The following FANCI variants were observed in gnomAD, a reference collection of about 807,000 sequenced individuals.
The protein encoded by FANCI is Fanconi anemia group I protein.
A neutral mutation model predicts 176.1 loss-of-function variants in FANCI; 156 were observed. The ratio of observed to expected loss-of-function variants is 0.89; its 90% CI spans 0.78 to 1.01. The LOEUF is 1.01. FANCI is among the 50% of genes least tolerant of loss of function. The probability of loss-of-function intolerance (pLI) is 0.00; values close to 1 mark genes in which losing one functional copy is unlikely to be tolerated. For synonymous variants in FANCI, 613 were observed against 541.7 expected, an observed-to-expected ratio of 1.13 and a Z score of -1.83; for missense variants, 1,678 against 1,534.1, an observed-to-expected ratio of 1.09 and a Z score of -1.57.
In FANCI at chr15:89,254,654, A is replaced by G. The variant is rs560327852; in HGVS notation, c.85-4050A>G. Among the ~76,000 whole-genome samples the G allele has an allele frequency of 1.2e-4, 19 of 152,324 alleles. No homozygotes were observed. In the South Asian group the frequency reaches 3.9e-3, roughly 32 times the overall value. ...ACCCACCTCTACAAAAAAATAATTT[A>G]AAAAATTAGCATGGCATATCAGCAC... On this transcript the variant is annotated intron_variant, in intron 2 of 37. Transcript: ENST00000310775.
chr15:89,267,572 A>C (rs2053022390), intron 9 of FANCI, among the ~76,000 whole-genome samples: 1 of 152,062 alleles, frequency 6.6e-6, no homozygotes, highest in East Asian at 1.9e-4. Context: ...TACTGGGAAG[A>C]GATTGTGAGA....
At chr15:89,303,759 A>C in intron 27 of FANCI, 105 bp from the exon 28 acceptor site, 1 of 921,064 alleles carries the variant, frequency 1.1e-6, no homozygotes, top group Non-Finnish European at 1.8e-6. Flanking sequence ...ATGTTTTGGC[A>C]GCTGATTTGC....
chr15:89,305,636 T>A lies in FANCI; in HGVS notation c.3287T>A (p.Leu1096Gln). 1 of 1,614,218 alleles carries A rather than the reference T, an allele frequency of 6.2e-7. No homozygotes were observed. The highest frequency in any genetic ancestry group is 2.2e-5 in the East Asian group (1 of 44,882). The change falls in exon 31 of 38, where the codon CTA becomes CAA. Residue 1096 changes from leucine (L) to glutamine (Q), a missense_variant. Coordinates refer to ENST00000310775, the MANE Select transcript of FANCI (RefSeq NM_001113378.2). ...GTTCTGAGTCAGGCCGAGAAGGTTCTAGAAGAAGTGGACTGGCTAATCACC... is the reference window on the plus strand; with the variant it reads ...GTTCTGAGTCAGGCCGAGAAGGTTCAAGAAGAAGTGGACTGGCTAATCACC... Reference protein sequence around the residue: ...LLVLSQAEKVLEEVDWLITKL... With the variant: ...LLVLSQAEKVQEEVDWLITKL...
At chr15:89,276,636 A>G (rs1334378569) in intron 12 of FANCI, 75 bp from the exon 13 acceptor site, 4 of 1,529,992 alleles carry the variant, frequency 2.6e-6, no homozygotes, top group Non-Finnish European at 3.6e-6. Context: ...GGAAATGTAT[A>G]ACAGGGCAAT....
intron 12 of FANCI, 98 bp from the exon 13 acceptor site, chr15:89,276,613 T>G: frequency 7.6e-7 from 1 of 1,315,980 alleles, no homozygotes; most frequent in Non-Finnish European, 1.1e-6. Context: ...GTTGATTATC[T>G]AGGTCAAGTT....
At chr15:89,300,226 A>G in intron 25 of FANCI, 74 bp from the exon 26 acceptor site, 1 of 1,457,574 alleles carries the variant, frequency 6.9e-7, no homozygotes. Context: ...TGGCTTTCAA[A>G]AATTTTAGCT....
intron 36 of FANCI, among the ~76,000 whole-genome samples, chr15:89,314,949 CAT>C (rs1171100117): frequency 6.7e-6 from 1 of 149,840 alleles, no homozygotes; most frequent in African/African-American, 2.5e-5. Flanking sequence ...GGACTACAGT[CAT>C]ATGCCATCAT....
intron 14 of FANCI, among the ~76,000 whole-genome samples, chr15:89,279,254 T>G (rs1317680443): frequency 6.6e-6 from 1 of 152,176 alleles, no homozygotes; most frequent in Non-Finnish European, 1.5e-5. Flanking sequence ...GCCTCCTGGG[T>G]TCACGCAGTT....
intron 3 of FANCI, among the ~76,000 whole-genome samples, chr15:89,260,407 A>G (rs2052665585): frequency 6.6e-6 from 1 of 152,206 alleles, no homozygotes; most frequent in Non-Finnish European, 1.5e-5. Context: ...GTCTGAAGAA[A>G]ATAGATTAGT....
Position 89,292,826 on chromosome 15 carries a change from A to T in FANCI, c.2131A>T (p.Asn711Tyr), listed in dbSNP as rs766073258. 22 of 1,614,120 alleles carry T rather than the reference A, an allele frequency of 1.4e-5. No individual in the cohort carries two copies. Among genetic ancestry groups the T allele is most frequent in the Non-Finnish European group, 1.9e-5 (22 of 1,180,010 alleles). The stretch of plus-strand genomic sequence containing the variant: ...AGATGATATATTGGAGTCCATTACT[A>T]ATAGAATGATTAAGAGTGAGCTGGA... The part of the protein sequence containing the change: ...DLDDILESIT[N>Y]RMIKSELEDF... Residue 711 changes from asparagine to tyrosine, a missense_variant, in exon 21 of 38, where the codon AAT (asparagine) becomes TAT (tyrosine). Physicochemically the swap from Asn to Tyr is moderately radical, Grantham distance 143 (BLOSUM62 -2). This residue lies in a region of FANCI where 1,204 missense variants were observed against 1,077.4 expected (regional missense o/e 1.12). Transcript: ENST00000310775.
At chr15:89,265,838 A>C (rs2151322943) in intron 9 of FANCI, among the ~76,000 whole-genome samples, 1 of 152,078 alleles carries the variant, frequency 6.6e-6, no homozygotes, top group South Asian at 2.1e-4. Context: ...TTTGTTTTTT[A>C]AGCAAACATT....
At chr15:89,291,157 A>G (rs1340882906) in intron 19 of FANCI, among the ~76,000 whole-genome samples, 2 of 152,206 alleles carry the variant, frequency 1.3e-5, no homozygotes, top group Non-Finnish European at 2.9e-5. Flanking sequence ...CTTATATGCC[A>G]AATACTGTTT....
At chr15:89,290,382 A>G in intron 19 of FANCI, 101 bp downstream of exon 19, 4 of 885,454 alleles carry the variant, frequency 4.5e-6, no homozygotes, top group Non-Finnish European at 7.5e-6. Context: ...ATTCCCAACT[A>G]GTACATTAGT....
chr15:89,279,143 TG>T (rs1555445591), intron 14 of FANCI, among the ~76,000 whole-genome samples: 1 of 53,050 alleles, frequency 1.9e-5, no homozygotes, highest in Admixed American at 1.6e-4. Flanking sequence ...TTTGCTGTTT[TG>T]TTGTTGTTGT....
chr15:89,306,613 AC>A lies in FANCI; in HGVS notation c.3537+422del, dbSNP rs570682096. 5.8e-3 allele frequency among the ~76,000 whole-genome samples: 882 copies of A among 151,764 alleles called. 2 individuals carry two copies. Among genetic ancestry groups the A allele is most frequent in the African/African-American group, 0.02 (828 of 41,340 alleles). ...AGGCTGAGGCAGGAGAATCGCTTGA[AC>A]CCAGGAGGCGGAGGTTGCAGTGAGC... is the stretch of plus-strand genomic sequence containing the variant. On this transcript the variant is annotated intron_variant, in intron 32 of 37. Coordinates refer to ENST00000310775, the MANE Select transcript of FANCI (RefSeq NM_001113378.2).
At chr15:89,269,779 C>T (rs112183911) in intron 10 of FANCI, among the ~76,000 whole-genome samples, 3,318 of 151,742 alleles carry the variant, frequency 0.022, 120 homozygotes, top group African/African-American at 0.077. Context: ...AATTTTATTC[C>T]GTTTTTATAT....
chr15:89,300,375 G>A lies in FANCI; in HGVS notation c.2879G>A (p.Arg960Gln), dbSNP rs151267266. 15 of 1,613,650 alleles carry A rather than the reference G, an allele frequency of 9.3e-6. No homozygotes were observed. Among genetic ancestry groups the A allele is most frequent in the East Asian group, 4.5e-5 (2 of 44,856 alleles). The change falls in exon 26 of 38, where the codon CGG becomes CAG. Residue 960 changes from arginine to glutamine, a missense_variant. Physicochemically the swap from Arg to Gln is conservative, Grantham distance 43. Around this residue, in one of 3 missense-constraint regions of FANCI, gnomAD observed 1,204 missense variants for 1,077.4 expected, o/e 1.12. Transcript: ENST00000310775. ...ACTCAGAGAACAGCATTCCAGATCC[G>A]GCAATTTCAGGTGAGAAGCCTTGCA... The part of the protein sequence containing the change: ...SVTQRTAFQI[R>Q]QFQRSLLNLL...
At chr15:89,289,013 G>T (rs1567162428) in intron 18 of FANCI, among the ~76,000 whole-genome samples, 1 of 145,058 alleles carries the variant, frequency 6.9e-6, no homozygotes, top group Non-Finnish European at 1.5e-5. Context: ...TTTCTTTGAG[G>T]TTTTTTTTTT....
At chr15:89,248,168 G>A (rs1038966011) in intron 2 of FANCI, among the ~76,000 whole-genome samples, 27 of 152,106 alleles carry the variant, frequency 1.8e-4, no homozygotes, top group Non-Finnish European at 3.8e-4. Flanking sequence ...GTAAAAATTA[G>A]GGCCTCTGTT....
Sources: gnomAD v4.1 joint callset for allele counts (sites outside exome capture counted in the v4.1 genomes callset) on GRCh38, gnomAD v4.1.1 for gene constraint, gnomAD v4.1.1 regional missense constraint, MANE v1.5 for transcripts, NCBI Gene and HGNC (gene_info 2026-07-23, HGNC 2026-07-21) for gene names.